Variants in AUTS2 observed in about 807,000 individuals in gnomAD.
AUTS2 encodes activator of transcription and developmental regulator AUTS2.
A neutral mutation model predicts 112.4 loss-of-function variants in AUTS2; 17 were observed. The observed-to-expected ratio is 0.15, with a 90% CI of 0.10 to 0.23. The LOEUF is 0.23. Ranked by LOEUF, AUTS2 falls within the 10% of genes least tolerant of loss-of-function variation. The probability of loss-of-function intolerance (pLI) is 1.00; values close to 1 mark genes in which losing one functional copy is unlikely to be tolerated. For missense variants in AUTS2, 1,510 were observed against 1,701.6 expected (o/e 0.89, Z 1.98); for synonymous variants, 751 against 702.7 (o/e 1.07, Z -1.09).
rs113099684 is a variant in AUTS2, at chr7:70,348,997, G to A, written c.661-86755G>A. 3.3e-5 allele frequency among the ~76,000 whole-genome samples: 5 copies of A among 152,264 alleles called. 1 individual carries two copies. Among genetic ancestry groups the A allele is most frequent in the Admixed American group, 1.3e-4 (2 of 15,298 alleles). On this transcript the variant is annotated intron_variant, in intron 4 of 18. Transcript: ENST00000342771. ...AAGAACTTTTTTAAATAACAAAAAT[G>A]ACTGAGTTACTAAGGTCAGGAACTA...
intron 2 of AUTS2, among the ~76,000 whole-genome samples, chr7:69,966,752 C>A (rs1053683964): frequency 2.0e-5 from 3 of 152,130 alleles, no homozygotes; most frequent in Non-Finnish European, 4.4e-5. Flanking sequence ...TGATTTCACC[C>A]CTTTCTCTCT....
intron 4 of AUTS2, among the ~76,000 whole-genome samples, chr7:70,344,041 A>G (rs1791387874): frequency 6.6e-6 from 1 of 152,104 alleles, no homozygotes; most frequent in Non-Finnish European, 1.5e-5. Flanking sequence ...TGCAAAATGT[A>G]AGGGGGCACT....
intron 2 of AUTS2, among the ~76,000 whole-genome samples, chr7:69,917,195 TTTTC>T (rs1021171800): frequency 1.3e-5 from 2 of 152,032 alleles, no homozygotes; most frequent in African/African-American, 4.8e-5. Context: ...GTGGGTTTTT[TTTTC>T]TTTCTTTCTT....
intron 5 of AUTS2, among the ~76,000 whole-genome samples, chr7:70,623,829 T>C (rs950492844): frequency 5.3e-5 from 8 of 152,324 alleles, no homozygotes; most frequent in Admixed American, 5.2e-4. Flanking sequence ...CTCCAAAATA[T>C]GGATACCAAC....
intron 5 of AUTS2, among the ~76,000 whole-genome samples, chr7:70,626,607 CT>C (rs1804963364): frequency 6.6e-6 from 1 of 151,938 alleles, no homozygotes; most frequent in Non-Finnish European, 1.5e-5. Context: ...TATGAATGAT[CT>C]CATCAGCCAG....
At chr7:70,046,538 T>G (rs1584632650) in intron 2 of AUTS2, among the ~76,000 whole-genome samples, 1 of 152,312 alleles carries the variant, frequency 6.6e-6, no homozygotes, top group East Asian at 1.9e-4. Context: ...GCTGTTGGCT[T>G]TCAGTAATTA....
intron 1 of AUTS2, among the ~76,000 whole-genome samples, chr7:69,760,826 T>A (rs1788156100): frequency 6.6e-6 from 1 of 152,090 alleles, no homozygotes; most frequent in South Asian, 2.1e-4. Context: ...TCTCAAAAAA[T>A]AATAATAATA....
intron 4 of AUTS2, among the ~76,000 whole-genome samples, chr7:70,280,450 A>ATTTTTTTTT (rs35280015): frequency 3.3e-5 from 4 of 121,862 alleles, no homozygotes; most frequent in Non-Finnish European, 5.1e-5. Flanking sequence ...TGCCCGGCTG[A>ATTTTTTTTT]TTTTTTTTTT....
At chr7:69,680,449 T>A (rs924344015) in intron 1 of AUTS2, among the ~76,000 whole-genome samples, 6 of 152,204 alleles carry the variant, frequency 3.9e-5, no homozygotes, top group African/African-American at 1.4e-4. Context: ...TTTTTTATTG[T>A]GTTAAAAAAA....
chr7:69,767,001 A>C (rs563932573), intron 1 of AUTS2, among the ~76,000 whole-genome samples: 1 of 152,152 alleles, frequency 6.6e-6, no homozygotes, highest in Non-Finnish European at 1.5e-5. Flanking sequence ...CCCTGCTACT[A>C]TATGCTTGAG....
chr7:69,872,557 A>G (rs1238248328), intron 1 of AUTS2, among the ~76,000 whole-genome samples: 1 of 151,826 alleles, frequency 6.6e-6, no homozygotes, highest in African/African-American at 2.4e-5. Flanking sequence ...AGGCTTTAAC[A>G]TTTTTTGCCT....
chr7:70,310,836 C>T (rs1398208464), intron 4 of AUTS2, among the ~76,000 whole-genome samples: 1 of 152,108 alleles, frequency 6.6e-6, no homozygotes, highest in Non-Finnish European at 1.5e-5. Context: ...TGGTTTTTCC[C>T]TTAGAATACT....
chr7:69,925,695 T>C (rs1295864884), intron 2 of AUTS2, among the ~76,000 whole-genome samples: 1 of 152,196 alleles, frequency 6.6e-6, no homozygotes, highest in Admixed American at 6.5e-5. Flanking sequence ...CTTTTAAAAA[T>C]CTTTTGTAGA....
chr7:70,215,716 G>T (rs892283645), intron 4 of AUTS2, among the ~76,000 whole-genome samples: 3 of 152,162 alleles, frequency 2.0e-5, no homozygotes, highest in African/African-American at 7.2e-5. Context: ...GTAACTTTTA[G>T]GTTTCTGGCT....
At chr7:69,658,731 T>C (rs1360528833) in intron 1 of AUTS2, among the ~76,000 whole-genome samples, 3 of 152,244 alleles carry the variant, frequency 2.0e-5, no homozygotes, top group Non-Finnish European at 4.4e-5. Flanking sequence ...TCTGATACTA[T>C]ATAATGCATT....
intron 5 of AUTS2, among the ~76,000 whole-genome samples, chr7:70,490,687 T>C (rs1175330128): frequency 6.6e-6 from 1 of 152,136 alleles, no homozygotes; most frequent in African/African-American, 2.4e-5. Context: ...TCGTTGAGCA[T>C]TGGCCAGTAA....
At chr7:70,786,237 G>T (rs1563199223) in intron 17 of AUTS2, among the ~76,000 whole-genome samples, 199 bp downstream of exon 17, 1 of 152,168 alleles carries the variant, frequency 6.6e-6, no homozygotes, top group East Asian at 1.9e-4. Flanking sequence ...GCCCCCTGTG[G>T]CTATCCAGTT....
intron 4 of AUTS2, among the ~76,000 whole-genome samples, chr7:70,197,336 G>A (rs1810232028): frequency 2.6e-5 from 4 of 152,024 alleles, no homozygotes; most frequent in Admixed American, 2.0e-4. Context: ...GATGGAGGAG[G>A]AGCCAAGATG....
chr7:69,634,245 G>A (rs574308971), intron 1 of AUTS2, among the ~76,000 whole-genome samples: 2 of 151,342 alleles, frequency 1.3e-5, no homozygotes, highest in South Asian at 2.1e-4. Context: ...TCAGCCTCCC[G>A]AGTAGCTGGG....
Sources: allele counts gnomAD v4.1 joint callset (sites outside exome capture counted in the v4.1 genomes callset), GRCh38; gene constraint gnomAD v4.1.1; transcripts MANE v1.5; gene names NCBI Gene and HGNC (gene_info 2026-07-23, HGNC 2026-07-21).